FRMD4A: variants seen among roughly 807,000 people sequenced by gnomAD.
The protein encoded by FRMD4A is FERM domain-containing protein 4A.
FRMD4A carries 29 observed loss-of-function variants against 129.1 expected under a neutral mutation model. The observed-to-expected ratio is 0.22, with a 90% confidence interval of 0.17 to 0.31. The LOEUF (loss-of-function observed/expected upper bound fraction) is 0.31, where lower values mean the gene tolerates loss of function less well. Ranked by LOEUF, FRMD4A falls within the 10% of genes least tolerant of loss-of-function variation. The probability of loss-of-function intolerance (pLI) is 1.00; values close to 1 mark genes in which losing one functional copy is unlikely to be tolerated. For synonymous variants in FRMD4A, 634 were observed against 571.6 expected (o/e 1.11, Z -1.56); for missense variants, 1,272 against 1,375.8 (o/e 0.92, Z 1.19).
chr10:13,974,414 C>G lies in FRMD4A; in HGVS notation c.46-115502G>C, dbSNP rs538945524. ...GCCTGGTGACACCAGCAGCAGACGC[C>G]TGTCTCTGTGCCCATGGAAGCTCGG... is the stretch of plus-strand genomic sequence containing the variant. On this transcript the variant is annotated intron_variant, in intron 2 of 24. Transcript: ENST00000357447. 3.9e-5 allele frequency among the ~76,000 whole-genome samples: 6 copies of G among 152,260 alleles called. No individual in the cohort carries two copies. The East Asian group carries it at 1.2e-3, about 29-fold the overall frequency.
intron 2 of FRMD4A, among the ~76,000 whole-genome samples, chr10:14,245,154 T>C (rs114879467): frequency 0.038 from 5,760 of 152,174 alleles, 370 homozygotes; most frequent in African/African-American, 0.13. Context: ...TACGCTTGGG[T>C]CCCCAGGAGC....
At chr10:14,086,438 T>G (rs1836281684) in intron 2 of FRMD4A, among the ~76,000 whole-genome samples, 1 of 150,896 alleles carries the variant, frequency 6.6e-6, no homozygotes, top group African/African-American at 2.4e-5. Flanking sequence ...TGTAAAAAAA[T>G]CTTCATAGCT....
intron 6 of FRMD4A, among the ~76,000 whole-genome samples, chr10:13,764,691 A>G (rs2092214876): frequency 6.6e-6 from 1 of 152,162 alleles, no homozygotes; most frequent in African/African-American, 2.4e-5. Context: ...AATAATACAC[A>G]ATTTAATTGA....
intron 2 of FRMD4A, among the ~76,000 whole-genome samples, chr10:14,058,735 T>C (rs1412580021): frequency 6.6e-6 from 1 of 152,144 alleles, no homozygotes; most frequent in Admixed American, 6.5e-5. Flanking sequence ...TGAGGCCCTT[T>C]GGTGGAAGAC....
intron 2 of FRMD4A, among the ~76,000 whole-genome samples, chr10:13,886,354 T>C (rs2094620805): frequency 6.6e-6 from 1 of 152,148 alleles, no homozygotes; most frequent in Non-Finnish European, 1.5e-5. Context: ...GCTTCAAGTG[T>C]GCAGGGAGAG....
At chr10:14,052,488 C>T (rs554550474) in intron 2 of FRMD4A, among the ~76,000 whole-genome samples, 6 of 152,184 alleles carry the variant, frequency 3.9e-5, no homozygotes, top group East Asian at 1.9e-4. Flanking sequence ...TTACTCATGG[C>T]AGAAAAGAAG....
chr10:14,237,330 C>T lies in FRMD4A; in HGVS notation c.45+92728G>A, dbSNP rs192363551. On this transcript the variant is annotated intron_variant, in intron 2 of 24. Coordinates refer to ENST00000357447, the MANE Select transcript of FRMD4A (RefSeq NM_018027.5). ...TCACACATATGGGGCATCAATTTCT[C>T]TTTTTTTGTTGTTGTTTTGAGATGG... Among the ~76,000 whole-genome samples, 536 of 145,202 alleles carry T rather than the reference C, an allele frequency of 3.7e-3. 2 individuals carry two copies. The highest frequency in any genetic ancestry group is 6.6e-3 in the South Asian group (29 of 4,412).
chr10:13,762,711 GT>G, intron 6 of FRMD4A, 31 bp from the exon 7 acceptor site: 1 of 1,470,854 alleles, frequency 6.8e-7, no homozygotes, highest in Non-Finnish European at 9.5e-7. Context: ...ACGAAGACAA[GT>G]TTGGTATTTA....
chr10:13,736,066 C>T (rs1241724289), intron 12 of FRMD4A, among the ~76,000 whole-genome samples: 2 of 152,162 alleles, frequency 1.3e-5, no homozygotes, highest in Non-Finnish European at 2.9e-5. Flanking sequence ...GCATGAGAAT[C>T]GCTTGAACCT....
intron 2 of FRMD4A, among the ~76,000 whole-genome samples, chr10:14,089,735 G>C (rs2614151): frequency 6.6e-6 from 1 of 152,058 alleles, no homozygotes; most frequent in South Asian, 2.1e-4. Context: ...CCGGCCCGTA[G>C]AGAGACGCCA....
chr10:14,268,366 T>A (rs576579060), intron 2 of FRMD4A, among the ~76,000 whole-genome samples: 3 of 152,228 alleles, frequency 2.0e-5, no homozygotes, highest in Admixed American at 6.5e-5. Flanking sequence ...TCATTGAACA[T>A]GATTTCTTTT....
At chr10:14,246,513 A>G (rs1034529883) in intron 2 of FRMD4A, among the ~76,000 whole-genome samples, 2 of 152,200 alleles carry the variant, frequency 1.3e-5, no homozygotes, top group African/African-American at 4.8e-5. Context: ...ATGCACTCAT[A>G]TGCAATCACA....
At chr10:14,095,346 T>A (rs182064926) in intron 2 of FRMD4A, among the ~76,000 whole-genome samples, 3 of 152,284 alleles carry the variant, frequency 2.0e-5, no homozygotes, top group East Asian at 1.9e-4. Context: ...CTGCTAGCCA[T>A]CACTTTCATG....
chr10:14,119,161 G>A (rs879672982), intron 2 of FRMD4A, among the ~76,000 whole-genome samples: 1 of 152,186 alleles, frequency 6.6e-6, no homozygotes, highest in Non-Finnish European at 1.5e-5. Context: ...AATGCAGAGG[G>A]TGATAGACAC....
Position 13,773,431 on chromosome 10 carries a change from C to T in FRMD4A, c.384+9491G>A, listed in dbSNP as rs535522819. On this transcript the variant is annotated intron_variant, in intron 6 of 24. Coordinates refer to ENST00000357447, the MANE Select transcript of FRMD4A (RefSeq NM_018027.5). ...GCATCTAGGCATTCTGACAGCCACT[C>T]ACGCCACCTAACCTCAATCAAGGAA... Among the ~76,000 whole-genome samples the T allele has an allele frequency of 1.5e-3, 226 of 152,314 alleles. 3 individuals carry two copies. Among genetic ancestry groups the T allele is most frequent in the Admixed American group, 3.3e-3 (51 of 15,294 alleles).
intron 5 of FRMD4A, among the ~76,000 whole-genome samples, chr10:13,795,270 A>G (rs2093089224): frequency 6.6e-6 from 1 of 152,246 alleles, no homozygotes; most frequent in Non-Finnish European, 1.5e-5. Context: ...GAGAAACTGT[A>G]TACACCATTA....
Position 13,654,479 on chromosome 10 carries a change from G to C in FRMD4A, c.2987C>G (p.Pro996Arg), listed in dbSNP as rs199934183. 8.1e-6 allele frequency: 13 copies of C among 1,613,664 alleles called. No individual in the cohort carries two copies. Among genetic ancestry groups the C allele is most frequent in the East Asian group, 2.2e-5 (1 of 44,890 alleles). ...GGGGGTGGCTCCAATTTCACTTGAC[G>C]GTGTCGAGCTTCTCTGGCTTTGAGG... ...ALPQSQRSST[P>R]SSEIGATPPS... Residue 996 changes from proline to arginine, a missense_variant, in exon 23 of 25, where the codon CCG becomes CGG. Physicochemically the swap from Pro to Arg is moderately radical, Grantham distance 103. Transcript: ENST00000357447.
chr10:13,822,240 C>A (rs2093640226), intron 3 of FRMD4A, among the ~76,000 whole-genome samples: 1 of 152,216 alleles, frequency 6.6e-6, no homozygotes, highest in Non-Finnish European at 1.5e-5. Flanking sequence ...CTACTCTCAG[C>A]AATTTTCAAG....
intron 3 of FRMD4A, among the ~76,000 whole-genome samples, chr10:13,833,339 C>A (rs2130946998): frequency 6.6e-6 from 1 of 152,302 alleles, no homozygotes; most frequent in Admixed American, 6.5e-5. Context: ...ACCATCAGAT[C>A]TCATGAGATT....
Sources: allele counts gnomAD v4.1 joint callset (sites outside exome capture counted in the v4.1 genomes callset), GRCh38; gene constraint gnomAD v4.1.1; transcripts MANE v1.5; gene names NCBI Gene and HGNC (gene_info 2026-07-23, HGNC 2026-07-21).